The following LRGUK variants were observed in gnomAD, a reference collection of about 807,000 sequenced individuals.
LRGUK encodes the protein leucine-rich repeat and guanylate kinase domain-containing protein.
A neutral mutation model predicts 76.0 loss-of-function variants in LRGUK; 65 were observed. The ratio of observed to expected loss-of-function variants is 0.85; its 90% confidence interval spans 0.70 to 1.05. The LOEUF (loss-of-function observed/expected upper bound fraction) is 1.05, where lower values mean the gene tolerates loss of function less well. Among genes scored for constraint, LRGUK ranks in the 50% least tolerant of loss-of-function variants. The pLI is 0.00. For missense variants in LRGUK, 758 were observed against 732.8 expected, an observed-to-expected ratio of 1.03 and a Z score of -0.40; for synonymous variants, 268 against 265.6, an observed-to-expected ratio of 1.01 and a Z score of -0.09.
At chr7:134,252,835 G>A (rs1468951215) in intron 18 of LRGUK, among the ~76,000 whole-genome samples, 1 of 152,108 alleles carries the variant, frequency 6.6e-6, no homozygotes, top group Non-Finnish European at 1.5e-5. Context: ...CCTGGGTCAA[G>A]GACAGGCCCA....
chr7:134,165,451 G>A (rs1434160759), intron 7 of LRGUK, among the ~76,000 whole-genome samples: 1 of 152,190 alleles, frequency 6.6e-6, no homozygotes, highest in Non-Finnish European at 1.5e-5. Context: ...GAAAGGGCCT[G>A]TTGTAATGCC....
intron 3 of LRGUK, among the ~76,000 whole-genome samples, chr7:134,141,349 G>A (rs984690581): frequency 1.9e-4 from 29 of 152,138 alleles, no homozygotes; most frequent in African/African-American, 7.0e-4. Context: ...TAGGTTTGGG[G>A]CGGGGCCTGG....
At chr7:134,203,605 A>G (rs1800879057) in intron 15 of LRGUK, among the ~76,000 whole-genome samples, 1 of 152,202 alleles carries the variant, frequency 6.6e-6, no homozygotes, top group Non-Finnish European at 1.5e-5. Context: ...TAGGAGATGA[A>G]GTGACCAGGG....
chr7:134,137,271 T>C, intron 2 of LRGUK, 141 bp downstream of exon 2: 2 of 640,732 alleles, frequency 3.1e-6, no homozygotes, highest in South Asian at 4.1e-5. Flanking sequence ...ACAAGAGATA[T>C]TTCTGTAAAT....
chr7:134,127,359 C>A lies in LRGUK; in HGVS notation c.-9C>A, dbSNP rs113040102. On this transcript the variant is annotated 5_prime_UTR_variant, in exon 1 of 16. Coordinates refer to ENST00000645682, the Ensembl canonical transcript of LRGUK. ...GGGGTCAGTCTCCTAGGCAACCCCG[C>A]TAAACAAGATGGCGACCTCCGAGAG... The A allele has an allele frequency of 1.8e-5, 28 of 1,549,176 alleles. No individual in the cohort carries two copies. In the African/African-American group the frequency reaches 3.4e-4, roughly 19 times the overall value.
At chr7:134,268,319 A>T (rs982996528), downstream of LRGUK, among the ~76,000 whole-genome samples, 2 of 152,206 alleles carry the variant, frequency 1.3e-5, no homozygotes, top group African/African-American at 4.8e-5. Context: ...TATCAAAAAG[A>T]TAATAAGGAA....
At chr7:134,178,727 CTT>C in intron 10 of LRGUK, 118 bp downstream of exon 10, 1 of 632,240 alleles carries the variant, frequency 1.6e-6, no homozygotes, top group Non-Finnish European at 2.6e-6. Context: ...TGCTTTTTCC[CTT>C]TCTCTGAGGG....
intron 11 of LRGUK, among the ~76,000 whole-genome samples, chr7:134,185,771 G>A (rs973990269): frequency 6.6e-6 from 1 of 152,054 alleles, no homozygotes; most frequent in South Asian, 2.1e-4. Context: ...AGCTACACAT[G>A]TTCAAACAAT....
intron 12 of LRGUK, among the ~76,000 whole-genome samples, chr7:134,195,013 T>TG (rs905211651): frequency 1.9e-4 from 29 of 152,106 alleles, no homozygotes; most frequent in African/African-American, 7.0e-4. Context: ...ACTTAGTGGG[T>TG]GGGGGGAAGC....
chr7:134,163,370 C>T lies in LRGUK; in HGVS notation c.796-27C>T, dbSNP rs370130474. The T allele has an allele frequency of 5.0e-5, 80 of 1,589,564 alleles. No individual in the cohort carries two copies. The African/African-American group carries it at 1.0e-3, about 20-fold the overall frequency. The stretch of plus-strand genomic sequence containing the variant: ...ACTTTTCCTTGAGAGGTCTTTGAGA[C>T]ATTAAATATATTTTTTTCTGTTTTA... On this transcript the variant is annotated intron_variant, in intron 6 of 15. Transcript: ENST00000645682.
intron 15 of LRGUK, among the ~76,000 whole-genome samples, chr7:134,203,935 C>T (rs1055378721): frequency 6.6e-6 from 1 of 152,134 alleles, no homozygotes; most frequent in African/African-American, 2.4e-5. Context: ...TAATTTGGTC[C>T]CATCGGGTGG....
intron 1 of LRGUK, 22 bp from the exon 2 acceptor site, chr7:134,137,001 T>C: frequency 6.5e-7 from 1 of 1,545,640 alleles, no homozygotes; most frequent in Non-Finnish European, 8.9e-7. Context: ...TTTCTTTGTC[T>C]ACCTTTCTGG....
At chr7:134,274,357 C>T in the LRGUK span, among the ~76,000 whole-genome samples, 5 of 152,022 alleles carry the variant, frequency 3.3e-5, no homozygotes, top group African/African-American at 9.7e-5. Flanking sequence ...AAAAGTATGG[C>T]TTATATAGTT....
At chr7:134,178,423 C>A in intron 9 of LRGUK, 80 bp from the exon 10 acceptor site, 1 of 1,037,568 alleles carries the variant, frequency 9.6e-7, no homozygotes, top group Non-Finnish European at 1.4e-6. Flanking sequence ...AACAACATTT[C>A]ATTAAGGAAA....
intron 18 of LRGUK, among the ~76,000 whole-genome samples, chr7:134,255,207 G>A (rs1802544893): frequency 6.8e-6 from 1 of 147,672 alleles, no homozygotes; most frequent in Non-Finnish European, 1.5e-5. Context: ...CTGGGAATGT[G>A]ACATATGTTA....
chr7:134,207,594 C>G (rs891519181), intron 15 of LRGUK, among the ~76,000 whole-genome samples: 5 of 152,146 alleles, frequency 3.3e-5, no homozygotes, highest in Non-Finnish European at 7.3e-5. Context: ...GTGTCCAGAC[C>G]AGGGGCTCAG....
At chr7:134,272,714 T>C in the LRGUK span, among the ~76,000 whole-genome samples, 3 of 152,182 alleles carry the variant, frequency 2.0e-5, no homozygotes, top group Non-Finnish European at 2.9e-5. Flanking sequence ...AAAATTACTT[T>C]GTCTGAATGA....
At chr7:134,150,102 C>T (rs1798144215) in intron 5 of LRGUK, among the ~76,000 whole-genome samples, 1 of 151,854 alleles carries the variant, frequency 6.6e-6, no homozygotes, top group African/African-American at 2.4e-5. Context: ...GGTGAAACCC[C>T]GTCTCTACTA....
intron 18 of LRGUK, among the ~76,000 whole-genome samples, chr7:134,251,398 T>C (rs1802441930): frequency 1.3e-5 from 2 of 152,088 alleles, no homozygotes; most frequent in South Asian, 4.2e-4. Flanking sequence ...CCGGAACAAT[T>C]CTCCCTCACA....
Sources: allele counts gnomAD v4.1 joint callset (sites outside exome capture counted in the v4.1 genomes callset), GRCh38; gene constraint gnomAD v4.1.1; transcripts MANE v1.5; gene names NCBI Gene and HGNC (gene_info 2026-07-23, HGNC 2026-07-21).